ENAH: variants seen among roughly 807,000 people sequenced by gnomAD.
The protein encoded by ENAH is ENAH actin regulator.
Under a neutral mutation model 78.7 loss-of-function variants are expected in ENAH, and 23 were observed. The observed-to-expected ratio is 0.29, with a 90% CI of 0.21 to 0.41. The LOEUF is 0.41. Among genes scored for constraint, ENAH ranks in the 10% least tolerant of loss-of-function variants. The pLI, the probability that ENAH is intolerant of heterozygous loss-of-function variation, is 1.00. For synonymous variants in ENAH, 226 were observed against 241.0 expected, an observed-to-expected ratio of 0.94 and a Z score of 0.58; for missense variants, 544 against 691.0, an observed-to-expected ratio of 0.79 and a Z score of 2.39.
Position 225,504,974 on chromosome 1 carries a change from T to TCACACC in ENAH, c.1538+2976_1538+2977insGGTGTG, listed in dbSNP as rs1391397203. 1.9e-6 allele frequency: 3 copies of TCACACC among 1,601,452 alleles called. No individual in the cohort carries two copies. In the Admixed American group the frequency reaches 5.0e-5, roughly 27 times the overall value. On this transcript the variant is annotated intron_variant, in intron 11 of 13. Coordinates refer to ENST00000366843, the MANE Select transcript of ENAH (RefSeq NM_018212.6). ...TATTTAAAAGTCTCAAATCACAACG[T>TCACACC]CACAGCAGGATGATACCTGTGTAAT... is the stretch of plus-strand genomic sequence containing the variant.
chr1:225,604,209 G>C (rs1002607398), intron 1 of ENAH, among the ~76,000 whole-genome samples: 2 of 152,086 alleles, frequency 1.3e-5, no homozygotes, highest in African/African-American at 4.8e-5. Context: ...TTATCACTTT[G>C]ACTTTGAAAA....
intron 1 of ENAH, among the ~76,000 whole-genome samples, chr1:225,584,355 G>A (rs1292790037): frequency 6.6e-6 from 1 of 152,044 alleles, no homozygotes; most frequent in Non-Finnish European, 1.5e-5. Context: ...TTAACTCTAA[G>A]TAAATGGTAA....
intron 1 of ENAH, among the ~76,000 whole-genome samples, chr1:225,641,468 C>CT (rs1326695342): frequency 1.1e-5 from 1 of 90,172 alleles, no homozygotes; most frequent in Non-Finnish European, 2.1e-5. Flanking sequence ...GACTCCATCT[C>CT]TAAAAAAAAA....
At chr1:225,573,028 T>A (rs1408471181) in intron 1 of ENAH, among the ~76,000 whole-genome samples, 1 of 152,236 alleles carries the variant, frequency 6.6e-6, no homozygotes, top group Non-Finnish European at 1.5e-5. Flanking sequence ...TCAAATTGAC[T>A]GAGCAGGTAT....
At position 225,500,990 on chromosome 1, in the gene ENAH, A is replaced by C; in HGVS notation, c.1617+2T>G. On this transcript the variant is annotated splice_donor_variant, in intron 12 of 13. Transcript: ENST00000366843. LOFTEE classifies it high-confidence loss of function. ...AAAGGAAAGCTGCCACTGAGCACCC[A>C]CCTGCTTCAGCCTGTCATAGTCAAG... 1 of 1,613,798 alleles carries C rather than the reference A, an allele frequency of 6.2e-7. No individual in the cohort carries two copies.
chr1:225,517,871 T>C (rs753732556), intron 5 of ENAH: 1 of 1,550,748 alleles, frequency 6.4e-7, no homozygotes, highest in Non-Finnish European at 8.7e-7. Flanking sequence ...TAATCAGGAG[T>C]GGCATCTGAC....
intron 1 of ENAH, among the ~76,000 whole-genome samples, chr1:225,620,494 C>G (rs187835531): frequency 6.6e-6 from 1 of 152,104 alleles, no homozygotes; most frequent in Admixed American, 6.5e-5. Flanking sequence ...TCGGCCACTG[C>G]ACTCCAGCCT....
intron 1 of ENAH, among the ~76,000 whole-genome samples, chr1:225,582,174 C>G (rs2151618508): frequency 6.6e-6 from 1 of 152,140 alleles, no homozygotes; most frequent in Middle Eastern, 3.4e-3. Flanking sequence ...CTCTCTCTCT[C>G]TTGCTCCTGC....
chr1:225,526,638 T>C (rs1228290538), intron 4 of ENAH, among the ~76,000 whole-genome samples: 3 of 152,046 alleles, frequency 2.0e-5, no homozygotes, highest in Non-Finnish European at 4.4e-5. Flanking sequence ...CGCCCTTCTA[T>C]TTCTCGGCGG....
intron 1 of ENAH, among the ~76,000 whole-genome samples, chr1:225,621,296 C>CTTTTTTTTTTT (rs757480714): frequency 7.0e-6 from 1 of 142,762 alleles, no homozygotes. Context: ...ATCTATCTCT[C>CTTTTTTTTTTT]TTTTTTTTTT....
At chr1:225,625,385 A>G (rs1430627210) in intron 1 of ENAH, among the ~76,000 whole-genome samples, 1 of 152,234 alleles carries the variant, frequency 6.6e-6, no homozygotes, top group African/African-American at 2.4e-5. Flanking sequence ...AATTTTCTTT[A>G]AGAAATATCT....
At chr1:225,582,737 G>C (rs1425092510) in intron 1 of ENAH, among the ~76,000 whole-genome samples, 1 of 152,132 alleles carries the variant, frequency 6.6e-6, no homozygotes, top group Admixed American at 6.5e-5. Flanking sequence ...ACCAAAATAT[G>C]ACCCACTGCC....
intron 1 of ENAH, among the ~76,000 whole-genome samples, chr1:225,641,701 A>G (rs1333384284): frequency 6.6e-6 from 1 of 151,922 alleles, no homozygotes; most frequent in East Asian, 1.9e-4. Context: ...AGCCTGGCCA[A>G]CATGATGAAA....
At chr1:225,606,299 T>C (rs892425796) in intron 1 of ENAH, among the ~76,000 whole-genome samples, 4 of 151,766 alleles carry the variant, frequency 2.6e-5, no homozygotes, top group Non-Finnish European at 5.9e-5. Context: ...CCATTTCTAC[T>C]AAAAATATAA....
Position 225,497,084 on chromosome 1 carries a change from C to CT in ENAH, c.*690dup, listed in dbSNP as rs2096253005. 6.6e-6 allele frequency: 1 copy of CT among 152,596 alleles called. No individual in the cohort carries two copies. Among genetic ancestry groups the CT allele is most frequent in the Non-Finnish European group, 1.5e-5 (1 of 68,028 alleles). 9.5% of individuals were successfully genotyped at this position (152,596 alleles called of 1,614,324 possible). A position where few individuals can be genotyped will look rare whatever the true frequency, so the allele number is the denominator to read the frequency against. ...TAACAATTTAGGAAGGCATCTAAAT[C>CT]TTTAAGTTCTGGACAAATTTTATGT... On this transcript the variant is annotated 3_prime_UTR_variant, in exon 14 of 14. Coordinates refer to ENST00000366843, the MANE Select transcript of ENAH (RefSeq NM_018212.6).
chr1:225,530,903 T>C (rs1157245815), intron 3 of ENAH: 1 of 417,848 alleles, frequency 2.4e-6, no homozygotes, highest in Admixed American at 4.1e-5. Flanking sequence ...ATGAAGAGCT[T>C]GAGTAAAACA....
intron 3 of ENAH, among the ~76,000 whole-genome samples, chr1:225,538,812 T>C (rs2096575112): frequency 6.6e-6 from 1 of 152,204 alleles, no homozygotes; most frequent in Admixed American, 6.5e-5. Context: ...GTGAAATGAA[T>C]GGCCCTGCCT....
chr1:225,505,145 A>G, intron 11 of ENAH: 1 of 879,618 alleles, frequency 1.1e-6, no homozygotes, highest in Non-Finnish European at 1.7e-6. Flanking sequence ...GTTAATAGCA[A>G]ACAAAACAAG....
At chr1:225,510,567 C>G (rs1243531476) in intron 10 of ENAH, among the ~76,000 whole-genome samples, 1 of 151,928 alleles carries the variant, frequency 6.6e-6, no homozygotes, top group Non-Finnish European at 1.5e-5. Context: ...AGAGGGAAAA[C>G]AAAGCCATGA....
Sources: allele counts gnomAD v4.1 joint callset (sites outside exome capture counted in the v4.1 genomes callset), GRCh38; gene constraint gnomAD v4.1.1; transcripts MANE v1.5; gene names NCBI Gene and HGNC (gene_info 2026-07-23, HGNC 2026-07-21).